Variants in NEDD9 observed in about 807,000 individuals in gnomAD.
NEDD9 encodes the protein enhancer of filamentation 1.
A neutral mutation model predicts 76.6 loss-of-function variants in NEDD9; 26 were observed. The observed-to-expected ratio is 0.34, with a 90% CI of 0.25 to 0.47. The LOEUF (loss-of-function observed/expected upper bound fraction) is 0.47. NEDD9 is among the 20% of genes least tolerant of loss of function. The pLI, the probability that NEDD9 is intolerant of heterozygous loss-of-function variation, is 1.00. For missense variants in NEDD9, 937 were observed against 1,058.5 expected (o/e 0.89, Z 1.59); for synonymous variants, 392 against 414.2 (o/e 0.95, Z 0.65).
At chr6:11,257,507 C>T (rs1363909808) in intron 3 of NEDD9, among the ~76,000 whole-genome samples, 3 of 151,206 alleles carry the variant, frequency 2.0e-5, no homozygotes, top group African/African-American at 2.5e-5. Flanking sequence ...TGTCTAACAG[C>T]CCCCCAAATA....
chr6:11,251,767 T>A (rs896604657), intron 3 of NEDD9: 1 of 152,270 alleles, frequency 6.6e-6, no homozygotes, highest in Non-Finnish European at 1.5e-5. Flanking sequence ...GCTGGCAAGG[T>A]TTAGCTGGAG....
At chr6:11,259,827 A>G (rs1202795179) in intron 3 of NEDD9, among the ~76,000 whole-genome samples, 2 of 152,118 alleles carry the variant, frequency 1.3e-5, no homozygotes, top group Non-Finnish European at 2.9e-5. Context: ...AACGTGTAGG[A>G]TGAGGATATT....
At chr6:11,209,497 C>G (rs1561789117) in intron 2 of NEDD9, among the ~76,000 whole-genome samples, 5 of 152,060 alleles carry the variant, frequency 3.3e-5, no homozygotes, top group Admixed American at 3.3e-4. Context: ...TTCGGTGTGT[C>G]GTAAGAAACA....
chr6:11,218,346 T>C (rs1226514092), intron 1 of NEDD9, among the ~76,000 whole-genome samples: 1 of 34,686 alleles, frequency 2.9e-5, no homozygotes. Context: ...CTTCAGCAAC[T>C]TTTTTTTTTT....
chr6:11,371,927 A>G (rs1190856261), intron 1 of NEDD9, among the ~76,000 whole-genome samples: 1 of 152,218 alleles, frequency 6.6e-6, no homozygotes, highest in Non-Finnish European at 1.5e-5. Flanking sequence ...TGTAATAATC[A>G]CATCAGGGTA....
chr6:11,284,450 C>A lies in NEDD9; in HGVS notation c.12+21542G>T, dbSNP rs192225549. 8.5e-3 allele frequency among the ~76,000 whole-genome samples: 1,272 copies of A among 149,812 alleles called. 17 individuals are homozygous for A. Among genetic ancestry groups the A allele is most frequent in the African/African-American group, 0.03 (1,221 of 40,792 alleles). ...GCATGGTGGTGGGCGCCTGTAGTCC[C>A]AGCTACTAGGGAGGCTGAGGCAGGA... On this transcript the variant is annotated intron_variant, in intron 3 of 3. Transcript: ENST00000397378.
intron 3 of NEDD9, among the ~76,000 whole-genome samples, chr6:11,274,179 A>G (rs576579092): frequency 2.7e-4 from 41 of 152,328 alleles, no homozygotes; most frequent in Non-Finnish European, 5.9e-5. Flanking sequence ...ACATATCTCA[A>G]TTTCCAAGTT....
chr6:11,358,205 C>T (rs1190592030), intron 1 of NEDD9, among the ~76,000 whole-genome samples: 7 of 131,250 alleles, frequency 5.3e-5, no homozygotes, highest in African/African-American at 9.9e-5. Flanking sequence ...GCTGAGATCA[C>T]GCCACTGCAC....
chr6:11,343,483 A>C (rs930549172), intron 1 of NEDD9, among the ~76,000 whole-genome samples: 2 of 151,980 alleles, frequency 1.3e-5, no homozygotes, highest in African/African-American at 4.8e-5. Flanking sequence ...CCCTATTTAA[A>C]ACTGCACCCC....
chr6:11,331,352 A>G (rs1451446322), intron 2 of NEDD9, among the ~76,000 whole-genome samples: 1 of 113,714 alleles, frequency 8.8e-6, no homozygotes, highest in Non-Finnish European at 1.7e-5. Flanking sequence ...ACAAATCATG[A>G]GTTTTTCTGA....
intron 1 of NEDD9, among the ~76,000 whole-genome samples, chr6:11,372,506 G>T (rs1426256730): frequency 6.6e-6 from 1 of 152,032 alleles, no homozygotes; most frequent in Admixed American, 6.6e-5. Context: ...CTTTCTTTTG[G>T]GTATATGTGA....
chr6:11,192,570 G>A, intron 3 of NEDD9, 124 bp from the exon 4 acceptor site: 1 of 635,468 alleles, frequency 1.6e-6, no homozygotes, highest in Non-Finnish European at 2.7e-6. Context: ...CTTTGGCAGT[G>A]CTCCATGTTA....
At chr6:11,329,134 G>A (rs1056221035) in intron 2 of NEDD9, among the ~76,000 whole-genome samples, 2 of 152,188 alleles carry the variant, frequency 1.3e-5, no homozygotes, top group East Asian at 3.8e-4. Flanking sequence ...GCCCTCAAGA[G>A]GGCCCTAAGA....
intron 1 of NEDD9, among the ~76,000 whole-genome samples, chr6:11,228,363 C>G (rs1015140826): frequency 2.0e-5 from 3 of 151,988 alleles, no homozygotes; most frequent in African/African-American, 7.3e-5. Flanking sequence ...AAACCCATCT[C>G]TACTAAAAAT....
At chr6:11,212,310 T>C (rs1758805593) in intron 2 of NEDD9, among the ~76,000 whole-genome samples, 2 of 152,368 alleles carry the variant, frequency 1.3e-5, no homozygotes, top group African/African-American at 4.8e-5. Flanking sequence ...CCCTCCTTTG[T>C]GATGCTCACA....
In NEDD9 at chr6:11,329,760, T is replaced by TG. The variant is rs200424274; in HGVS notation, c.-153+4740dup. On this transcript the variant is annotated intron_variant, in intron 2 of 3. Transcript: ENST00000397378. ...ATGTTTTTTGACTGCCACAACTGGGTGGGGGGGGCGGTGGCTGTTACTGGC... is the reference window on the plus strand; with the variant it reads ...ATGTTTTTTGACTGCCACAACTGGGTGGGGGGGGGCGGTGGCTGTTACTGGC... 1.0e-3 allele frequency among the ~76,000 whole-genome samples: 151 copies of TG among 150,752 alleles called. No individual in the cohort carries two copies. In the Middle Eastern group the frequency reaches 0.01, roughly 10 times the overall value.
intron 3 of NEDD9, among the ~76,000 whole-genome samples, chr6:11,277,004 G>A (rs1410669585): frequency 1.3e-5 from 2 of 152,146 alleles, no homozygotes; most frequent in Non-Finnish European, 2.9e-5. Flanking sequence ...TCACTGCAGA[G>A]TTTCCAAGGC....
intron 1 of NEDD9, among the ~76,000 whole-genome samples, chr6:11,219,700 G>A (rs1318016558): frequency 1.3e-5 from 2 of 152,216 alleles, no homozygotes; most frequent in African/African-American, 4.8e-5. Context: ...AGAAAGAAAG[G>A]CTCACGTGCT....
At chr6:11,323,250 T>G (rs890030550) in intron 2 of NEDD9, among the ~76,000 whole-genome samples, 22 of 152,240 alleles carry the variant, frequency 1.4e-4, no homozygotes, top group Admixed American at 1.3e-3. Context: ...GCAAGGAGAC[T>G]TGCCCACTGA....
Sources: gnomAD v4.1 joint callset for allele counts (sites outside exome capture counted in the v4.1 genomes callset) on GRCh38, gnomAD v4.1.1 for gene constraint, MANE v1.5 for transcripts, NCBI Gene and HGNC (gene_info 2026-07-23, HGNC 2026-07-21) for gene names.